Variants in ENTREP2 observed in about 807,000 individuals in gnomAD.
ENTREP2 encodes endosomal transmembrane epsin interactor 2.
At chr15:29,349,769 G>T in the ENTREP2 span, among the ~76,000 whole-genome samples, 3 of 152,074 alleles carry the variant, frequency 2.0e-5, no homozygotes, top group Non-Finnish European at 2.9e-5. Context: ...GTGGAGGCGC[G>T]TACCTGTAGT....
the ENTREP2 span, among the ~76,000 whole-genome samples, chr15:29,490,674 T>A: frequency 6.6e-5 from 10 of 152,184 alleles, no homozygotes; most frequent in Admixed American, 5.2e-4. Context: ...CTAGATTAGC[T>A]AGACACAGAG....
the ENTREP2 span, among the ~76,000 whole-genome samples, chr15:29,592,762 C>A: frequency 6.6e-6 from 1 of 152,076 alleles, no homozygotes; most frequent in Non-Finnish European, 1.5e-5. Flanking sequence ...TTAATGCTGT[C>A]CCTGGTGGGG....
chr15:29,169,008 G>A, the ENTREP2 span, among the ~76,000 whole-genome samples: 592 of 152,214 alleles, frequency 3.9e-3, 4 homozygotes, highest in Middle Eastern at 0.014. Context: ...ACAGTTCTAC[G>A]AAGTTTTAAG....
At chr15:29,318,926 C>A in the ENTREP2 span, among the ~76,000 whole-genome samples, 11 of 152,138 alleles carry the variant, frequency 7.2e-5, no homozygotes, top group Non-Finnish European at 1.2e-4. Flanking sequence ...CATCACATAG[C>A]CATTTCCTCT....
chr15:29,616,285 G>C, the ENTREP2 span, among the ~76,000 whole-genome samples: 5 of 152,256 alleles, frequency 3.3e-5, no homozygotes, highest in African/African-American at 1.2e-4. Flanking sequence ...CCCTTGGTCA[G>C]ACTTCTTTTT....
At chr15:29,195,371 C>G in the ENTREP2 span, 2 of 972,210 alleles carry the variant, frequency 2.1e-6, no homozygotes, top group Non-Finnish European at 2.4e-6. Flanking sequence ...CAACGCTTTC[C>G]TCCTCTCCCC....
chr15:29,654,415 T>A, the ENTREP2 span, among the ~76,000 whole-genome samples: 1 of 152,188 alleles, frequency 6.6e-6, no homozygotes, highest in Non-Finnish European at 1.5e-5. Flanking sequence ...ACATTCATTG[T>A]ATACTGAAAG....
chr15:29,572,512 C>T, the ENTREP2 span, among the ~76,000 whole-genome samples: 2 of 151,204 alleles, frequency 1.3e-5, no homozygotes, highest in East Asian at 3.9e-4. Context: ...ATTCCTCCAA[C>T]AAAAGTTCAT....
At chr15:29,431,757 T>A in the ENTREP2 span, among the ~76,000 whole-genome samples, 302 of 152,296 alleles carry the variant, frequency 2.0e-3, 3 homozygotes, top group African/African-American at 7.0e-3. Context: ...TAGCCTATGT[T>A]CACACACTCA....
At chr15:29,298,786 T>A in the ENTREP2 span, among the ~76,000 whole-genome samples, 1 of 152,178 alleles carries the variant, frequency 6.6e-6, no homozygotes, top group Non-Finnish European at 1.5e-5. Context: ...CTAATGACCA[T>A]TTAAGGAAGA....
the ENTREP2 span, among the ~76,000 whole-genome samples, chr15:29,668,193 G>C: frequency 2.0e-5 from 3 of 152,184 alleles, no homozygotes; most frequent in Non-Finnish European, 4.4e-5. Flanking sequence ...GGGAGCAGTT[G>C]ATCTGCACAA....
At chr15:29,613,355 A>C in the ENTREP2 span, 1 of 326,156 alleles carries the variant, frequency 3.1e-6, no homozygotes, top group Middle Eastern at 6.9e-4. Flanking sequence ...AGTGGAGCTG[A>C]GCTGGTTGAT....
chr15:29,151,643 G>A, the ENTREP2 span: 59 of 1,021,824 alleles, frequency 5.8e-5, 1 homozygote, highest in Non-Finnish European at 8.3e-5. Flanking sequence ...GTCAGGGGCC[G>A]CTGTCCTCAC....
At chr15:29,253,300 T>G in the ENTREP2 span, among the ~76,000 whole-genome samples, 1 of 152,210 alleles carries the variant, frequency 6.6e-6, no homozygotes, top group East Asian at 1.9e-4. Flanking sequence ...CCAGTTCATT[T>G]GTCCTAAAGA....
At chr15:29,344,939 CA>C in the ENTREP2 span, among the ~76,000 whole-genome samples, 1 of 144,894 alleles carries the variant, frequency 6.9e-6, no homozygotes, top group African/African-American at 2.8e-5. Flanking sequence ...CAGACACACA[CA>C]CACACACACA....
chr15:29,390,053 G>T, the ENTREP2 span, among the ~76,000 whole-genome samples: 1 of 152,020 alleles, frequency 6.6e-6, no homozygotes, highest in Admixed American at 6.5e-5. Flanking sequence ...GGCTTTTCAC[G>T]GCCCAGGTGC....
At chr15:29,368,167 A>G in the ENTREP2 span, among the ~76,000 whole-genome samples, 1 of 152,022 alleles carries the variant, frequency 6.6e-6, no homozygotes, top group African/African-American at 2.4e-5. Context: ...TCTACCAAAA[A>G]TACAAAAATT....
At chr15:29,539,645 C>T in the ENTREP2 span, among the ~76,000 whole-genome samples, 1 of 152,122 alleles carries the variant, frequency 6.6e-6, no homozygotes, top group African/African-American at 2.4e-5. Context: ...TTATTCCAAT[C>T]CTGCCTTGTT....
the ENTREP2 span, among the ~76,000 whole-genome samples, chr15:29,344,010 T>C: frequency 1.3e-5 from 2 of 152,244 alleles, no homozygotes; most frequent in African/African-American, 2.4e-5. Context: ...CATGAACCTA[T>C]ATACCATATT....
Sources: allele counts gnomAD v4.1 joint callset (sites outside exome capture counted in the v4.1 genomes callset), GRCh38; gene constraint gnomAD v4.1.1; transcripts MANE v1.5; gene names NCBI Gene and HGNC (gene_info 2026-07-23, HGNC 2026-07-21).